BCL9: variants seen among roughly 807,000 people sequenced by gnomAD.
BCL9 encodes B-cell CLL/lymphoma 9 protein.
A neutral mutation model predicts 88.5 loss-of-function variants in BCL9; 25 were observed. That is an observed-to-expected ratio of 0.28 (90% CI 0.21 to 0.39). The LOEUF is 0.39. Among genes scored for constraint, BCL9 ranks in the 10% least tolerant of loss-of-function variants. BCL9 has a pLI of 1.00. For missense variants in BCL9, 1,817 were observed against 1,877.8 expected, an observed-to-expected ratio of 0.97 and a Z score of 0.60; for synonymous variants, 711 against 673.3, an observed-to-expected ratio of 1.06 and a Z score of -0.87.
In BCL9 at chr1:147,620,437, A is replaced by G. The variant is rs782335193; in HGVS notation, c.2282A>G (p.Gln761Arg). The G allele has an allele frequency of 5.9e-5, 95 of 1,614,026 alleles. No individual in the cohort carries two copies. The East Asian group carries it at 2.0e-3, about 34-fold the overall frequency. The change falls in exon 8 of 10, where the codon CAG becomes CGG. Residue 761 changes from glutamine (Q) to arginine (R), a missense_variant. Coordinates refer to ENST00000234739, the MANE Select transcript of BCL9 (RefSeq NM_004326.4). ...RPGGSDMLPAQQKMVPLPFGE... is the reference protein window; with the variant it reads ...RPGGSDMLPARQKMVPLPFGE... ...GGTGGCTCAGACATGCTGCCTGCTC[A>G]GCAGAAGATGGTGCCACTGCCATTT...
chr1:147,549,262 C>T (rs1553194569), intron 1 of BCL9, among the ~76,000 whole-genome samples: 1 of 152,144 alleles, frequency 6.6e-6, no homozygotes, highest in African/African-American at 2.4e-5. Context: ...CAGGCATGAG[C>T]CACTGCACTC....
At chr1:147,575,374 A>G (rs1477937650) in intron 1 of BCL9, among the ~76,000 whole-genome samples, 1 of 152,188 alleles carries the variant, frequency 6.6e-6, no homozygotes, top group African/African-American at 2.4e-5. Flanking sequence ...CCAAACCATA[A>G]GCTCATTTTT....
chr1:147,621,596 C>A (rs1215122843), intron 8 of BCL9, among the ~76,000 whole-genome samples: 3 of 152,156 alleles, frequency 2.0e-5, no homozygotes, highest in African/African-American at 7.2e-5. Context: ...GAGATTCTTG[C>A]TGATGATGAT....
At chr1:147,607,834 G>A (rs1657796659) in intron 3 of BCL9, among the ~76,000 whole-genome samples, 1 of 152,174 alleles carries the variant, frequency 6.6e-6, no homozygotes, top group African/African-American at 2.4e-5. Flanking sequence ...ATCCTGTTAA[G>A]TTTGAGACAT....
intron 1 of BCL9, among the ~76,000 whole-genome samples, chr1:147,572,100 G>C (rs1214711868): frequency 6.6e-6 from 1 of 150,434 alleles, no homozygotes; most frequent in African/African-American, 2.5e-5. Flanking sequence ...AAATTAGCTG[G>C]ACGTGGTGGC....
intron 4 of BCL9, 67 bp downstream of exon 4, chr1:147,611,956 C>A (rs112826468): frequency 1.4e-6 from 2 of 1,461,260 alleles, no homozygotes; most frequent in Non-Finnish European, 1.9e-6. Flanking sequence ...CATGAACACT[C>A]ATTGGTGAAA....
At chr1:147,586,857 A>C (rs587736291) in intron 1 of BCL9, among the ~76,000 whole-genome samples, 6 of 152,158 alleles carry the variant, frequency 3.9e-5, no homozygotes, top group African/African-American at 1.4e-4. Context: ...ATAAGATGCA[A>C]ACTCCTTAGC....
chr1:147,566,085 A>AG (rs1655582365), intron 1 of BCL9, among the ~76,000 whole-genome samples: 1 of 152,046 alleles, frequency 6.6e-6, no homozygotes, highest in South Asian at 2.1e-4. Context: ...TTGGTGGGGG[A>AG]GGGGGAATAT....
At chr1:147,610,955 C>T (rs1466267597) in intron 3 of BCL9, among the ~76,000 whole-genome samples, 2 of 152,192 alleles carry the variant, frequency 1.3e-5, no homozygotes, top group Admixed American at 6.5e-5. Context: ...ACACTAGACA[C>T]ATACTTGGCA....
intron 1 of BCL9, among the ~76,000 whole-genome samples, chr1:147,600,557 C>G (rs1657333692): frequency 6.6e-6 from 1 of 151,060 alleles, no homozygotes; most frequent in Non-Finnish European, 1.5e-5. Flanking sequence ...GCTTCACGGG[C>G]GGTGGAGAGA....
At chr1:147,581,294 A>G (rs1553198618) in intron 1 of BCL9, among the ~76,000 whole-genome samples, 1 of 152,232 alleles carries the variant, frequency 6.6e-6, no homozygotes, top group Non-Finnish European at 1.5e-5. Flanking sequence ...AATGACAGCT[A>G]TACGCTAATT....
In BCL9 at chr1:147,624,832, A is replaced by G. The variant is rs782234590; in HGVS notation, c.4154A>G (p.Gln1385Arg). The G allele has an allele frequency of 6.6e-5, 107 of 1,614,082 alleles. No individual in the cohort carries two copies. In the Admixed American group the frequency reaches 1.8e-3, roughly 27 times the overall value. ...TCTCCAGGCATGATGATGTCCATGC[A>G]GGGCATGATGGGACCCCAACAGAAC... ...VGSPGMMMSM[Q>R]GMMGPQQNIM... Residue 1385 changes from glutamine to arginine, a missense_variant, in exon 10 of 10, where the codon CAG (glutamine) becomes CGG (arginine). Gln to Arg is a conservative substitution (Grantham distance 43). Transcript: ENST00000234739. This position sits in a 1 kb window ranked among gnomAD's most constrained non-coding sequence, Gnocchi z 4.4.
intron 1 of BCL9, among the ~76,000 whole-genome samples, chr1:147,544,357 C>G (rs1180535388): frequency 6.6e-6 from 1 of 152,170 alleles, no homozygotes; most frequent in Non-Finnish European, 1.5e-5. Flanking sequence ...GGTGCCATTC[C>G]TATTCACAGG....
chr1:147,590,437 G>A (rs587743966), intron 1 of BCL9, among the ~76,000 whole-genome samples: 43 of 152,216 alleles, frequency 2.8e-4, no homozygotes, highest in South Asian at 8.3e-4. Context: ...AATTTCTGCC[G>A]TTTTCTGGCT....
chr1:147,618,789 A>G, intron 7 of BCL9, 27 bp from the exon 8 acceptor site: 7 of 1,498,878 alleles, frequency 4.7e-6, no homozygotes, highest in Non-Finnish European at 6.2e-6. Context: ...TTTACTAATG[A>G]TTTTTAAACT....
At chr1:147,604,206 C>T (rs782791891) in intron 1 of BCL9, among the ~76,000 whole-genome samples, 27 of 152,314 alleles carry the variant, frequency 1.8e-4, no homozygotes, top group African/African-American at 6.5e-4. Context: ...AAATGAACAT[C>T]TGAGCTTTCC....
Position 147,621,733 on chromosome 1 carries a change from A to G in BCL9, c.2903-538A>G, listed in dbSNP as rs144528079. 4.0e-3 allele frequency among the ~76,000 whole-genome samples: 605 copies of G among 152,278 alleles called. 7 individuals carry two copies. Among genetic ancestry groups the G allele is most frequent in the African/African-American group, 0.014 (577 of 41,554 alleles). On this transcript the variant is annotated intron_variant, in intron 8 of 9. Coordinates refer to ENST00000234739, the MANE Select transcript of BCL9 (RefSeq NM_004326.4). ...GATAGAAGATTTATCCTACCAGCCT[A>G]AAGTGCCTCTCTGTAGGGTAGCAGT...
chr1:147,565,845 T>C (rs1193733237), intron 1 of BCL9, among the ~76,000 whole-genome samples: 1 of 152,172 alleles, frequency 6.6e-6, no homozygotes, highest in Non-Finnish European at 1.5e-5. Context: ...TCTTGGGACA[T>C]AGTAGGTGCT....
chr1:147,592,348 C>T (rs587660042), intron 1 of BCL9, among the ~76,000 whole-genome samples: 49 of 152,268 alleles, frequency 3.2e-4, no homozygotes, highest in African/African-American at 1.2e-3. Flanking sequence ...GACTTGCTGC[C>T]CTCAGAAAGC....
Sources: gnomAD v4.1 joint callset for allele counts (sites outside exome capture counted in the v4.1 genomes callset) on GRCh38, gnomAD v4.1.1 for gene constraint, Gnocchi (gnomAD v3.1) non-coding constraint, MANE v1.5 for transcripts, NCBI Gene and HGNC (gene_info 2026-07-23, HGNC 2026-07-21) for gene names.